Variants in EXOC6B observed in about 807,000 individuals in gnomAD.
The protein encoded by EXOC6B is exocyst complex component 6B, also known as SEC15 homolog B.
EXOC6B carries 54 observed loss-of-function variants against 113.5 expected under a neutral mutation model. The observed-to-expected ratio is 0.48, with a 90% CI of 0.38 to 0.60. The LOEUF is 0.60. EXOC6B is among the 20% of genes least tolerant of loss of function. The pLI, the probability that EXOC6B is intolerant of heterozygous loss-of-function variation, is 0.00. For synonymous variants in EXOC6B, 357 were observed against 339.0 expected, an observed-to-expected ratio of 1.05 and a Z score of -0.58; for missense variants, 797 against 977.5, an observed-to-expected ratio of 0.82 and a Z score of 2.46.
At chr2:72,652,242 G>A (rs1163974981) in intron 6 of EXOC6B, among the ~76,000 whole-genome samples, 5 of 151,142 alleles carry the variant, frequency 3.3e-5, no homozygotes, top group East Asian at 1.9e-4. Flanking sequence ...TAGCAGGAAC[G>A]TCAACCTTTG....
chr2:72,697,787 T>C (rs1000217007), intron 6 of EXOC6B, among the ~76,000 whole-genome samples: 1 of 152,214 alleles, frequency 6.6e-6, no homozygotes, highest in Non-Finnish European at 1.5e-5. Context: ...CTGCACTTTA[T>C]AATATTGTGC....
chr2:72,542,223 T>C (rs986318395), intron 8 of EXOC6B, among the ~76,000 whole-genome samples: 1 of 152,164 alleles, frequency 6.6e-6, no homozygotes, highest in East Asian at 1.9e-4. Context: ...GCTCCTTCTA[T>C]GTGGTGAGAA....
intron 9 of EXOC6B, 83 bp from the exon 10 acceptor site, chr2:72,514,763 A>G: frequency 1.2e-6 from 1 of 806,052 alleles, no homozygotes; most frequent in Non-Finnish European, 2.0e-6. Context: ...TTAATCTCTT[A>G]AGGCTCAGCT....
intron 8 of EXOC6B, among the ~76,000 whole-genome samples, chr2:72,550,018 T>C (rs1457649634): frequency 6.6e-6 from 1 of 152,118 alleles, no homozygotes; most frequent in Non-Finnish European, 1.5e-5. Flanking sequence ...ACAGGGTTGA[T>C]GAGAGAATGA....
At chr2:72,552,730 C>CA (rs558231365) in intron 8 of EXOC6B, among the ~76,000 whole-genome samples, 4 of 151,132 alleles carry the variant, frequency 2.6e-5, no homozygotes, top group African/African-American at 7.3e-5. Flanking sequence ...ATATTAATAT[C>CA]AAAAAAAATC....
At chr2:72,675,096 G>A (rs1301527284) in intron 6 of EXOC6B, among the ~76,000 whole-genome samples, 1 of 152,118 alleles carries the variant, frequency 6.6e-6, no homozygotes, top group Non-Finnish European at 1.5e-5. Context: ...AAAATATCTT[G>A]CTCTACTATG....
At chr2:72,602,425 A>G (rs548690826) in intron 6 of EXOC6B, among the ~76,000 whole-genome samples, 1 of 152,356 alleles carries the variant, frequency 6.6e-6, no homozygotes, top group Admixed American at 6.5e-5. Context: ...AATAATGAAC[A>G]TAGTGATTAA....
chr2:72,474,930 G>GT (rs1484983855), intron 17 of EXOC6B, among the ~76,000 whole-genome samples: 4 of 152,138 alleles, frequency 2.6e-5, no homozygotes, highest in African/African-American at 9.7e-5. Flanking sequence ...TCCAGAAGAT[G>GT]TATCTATGCT....
chr2:72,212,646 C>T (rs1680265927), intron 20 of EXOC6B, among the ~76,000 whole-genome samples: 1 of 152,198 alleles, frequency 6.6e-6, no homozygotes, highest in Non-Finnish European at 1.5e-5. Context: ...CTCACAACTT[C>T]TATCTTATGT....
intron 6 of EXOC6B, among the ~76,000 whole-genome samples, chr2:72,696,972 T>G (rs115817754): frequency 0.016 from 2,455 of 152,244 alleles, 83 homozygotes; most frequent in African/African-American, 0.057. Flanking sequence ...CATACAAAAT[T>G]TGAAATTATC....
At position 72,492,369 on chromosome 2, in the gene EXOC6B, C is replaced by G; in HGVS notation, c.1614G>C (p.Leu538=). The G allele has an allele frequency of 6.2e-7, 1 of 1,613,010 alleles. No individual in the cohort carries two copies. Among genetic ancestry groups the G allele is most frequent in the East Asian group, 2.2e-5 (1 of 44,848 alleles). ...TAATTACATTCTGCAGAGAGTTGCT[C>G]AGAGTCCTGGTTAGCAACAGGTTTG... ...KSTNLLLTRT[L]SNSLQNVIKR... Residue 538 remains leucine, a synonymous_variant, in exon 16 of 22, where the codon CTG becomes CTC. Coordinates refer to ENST00000272427, the MANE Select transcript of EXOC6B (RefSeq NM_015189.3).
At chr2:72,695,330 A>G (rs1677796382) in intron 6 of EXOC6B, among the ~76,000 whole-genome samples, 1 of 152,222 alleles carries the variant, frequency 6.6e-6, no homozygotes, top group Non-Finnish European at 1.5e-5. Flanking sequence ...AAGAACTCAG[A>G]TCAGCAAATT....
At position 72,619,657 on chromosome 2, in the gene EXOC6B, C is replaced by T. The variant is rs147202168; in HGVS notation, c.670-43989G>A. On this transcript the variant is annotated intron_variant, in intron 6 of 21. Coordinates refer to ENST00000272427, the MANE Select transcript of EXOC6B (RefSeq NM_015189.3). ...ATAGTGAGAGAGTCAGCACCAAAGTCGAGATTGAAGAGGGGGAAATCTGGA... is the reference window on the plus strand; with the variant it reads ...ATAGTGAGAGAGTCAGCACCAAAGTTGAGATTGAAGAGGGGGAAATCTGGA... Among the ~76,000 whole-genome samples, 401 of 152,172 alleles carry T rather than the reference C, an allele frequency of 2.6e-3. 1 individual carries two copies. The highest frequency in any genetic ancestry group is 9.0e-3 in the African/African-American group (372 of 41,514).
chr2:72,727,013 A>G (rs1030301826), intron 5 of EXOC6B, among the ~76,000 whole-genome samples: 18 of 152,182 alleles, frequency 1.2e-4, no homozygotes, highest in Admixed American at 5.9e-4. Flanking sequence ...GTACGCAAAT[A>G]CCATGCCATT....
intron 15 of EXOC6B, among the ~76,000 whole-genome samples, chr2:72,493,729 A>T (rs915875401): frequency 7.2e-5 from 11 of 152,146 alleles, no homozygotes; most frequent in Non-Finnish European, 1.5e-4. Context: ...TTTCAAAAAG[A>T]AAGTTTTACG....
intron 6 of EXOC6B, among the ~76,000 whole-genome samples, chr2:72,628,650 T>C (rs1466133449): frequency 6.6e-6 from 1 of 151,968 alleles, no homozygotes; most frequent in Non-Finnish European, 1.5e-5. Context: ...CCCAGAGACC[T>C]CTCTCTCTGT....
chr2:72,301,940 G>A (rs907996919), intron 20 of EXOC6B, among the ~76,000 whole-genome samples: 2 of 152,020 alleles, frequency 1.3e-5, no homozygotes, highest in Non-Finnish European at 2.9e-5. Flanking sequence ...TAGGTGGTTA[G>A]TTGAGATCTT....
chr2:72,214,244 T>C (rs1216903828), intron 20 of EXOC6B, among the ~76,000 whole-genome samples: 1 of 119,692 alleles, frequency 8.4e-6, no homozygotes, highest in Non-Finnish European at 2.0e-5. Flanking sequence ...TCCCAGCACT[T>C]TGGGAAGCTG....
chr2:72,318,000 T>G (rs1368629913), intron 20 of EXOC6B, among the ~76,000 whole-genome samples: 1 of 152,196 alleles, frequency 6.6e-6, no homozygotes, highest in Non-Finnish European at 1.5e-5. Context: ...AGCATATTTC[T>G]TTTTTAACAC....
Sources: allele counts gnomAD v4.1 joint callset (sites outside exome capture counted in the v4.1 genomes callset), GRCh38; gene constraint gnomAD v4.1.1; transcripts MANE v1.5; gene names NCBI Gene and HGNC (gene_info 2026-07-23, HGNC 2026-07-21).